Variants in WWTR1 observed in about 807,000 individuals in gnomAD.
The protein encoded by WWTR1 is WW domain containing transcription regulator 1, also known as WW domain-containing transcription regulator protein 1.
Under a neutral mutation model 40.1 loss-of-function variants are expected in WWTR1, and 13 were observed. That is an observed-to-expected ratio of 0.32 (90% CI 0.21 to 0.52). The LOEUF is 0.52. Among genes scored for constraint, WWTR1 ranks in the 20% least tolerant of loss-of-function variants. WWTR1 has a pLI of 0.97. For synonymous variants in WWTR1, 230 were observed against 210.1 expected (o/e 1.09, Z -0.82); for missense variants, 436 against 523.1 (o/e 0.83, Z 1.63).
At chr3:149,578,404 TCTC>T (rs1222004834) in intron 2 of WWTR1, among the ~76,000 whole-genome samples, 1 of 152,144 alleles carries the variant, frequency 6.6e-6, no homozygotes, top group Non-Finnish European at 1.5e-5. Flanking sequence ...CATGGCCAGT[TCTC>T]CTGGCTTCCC....
chr3:149,607,121 G>T (rs867771625), intron 2 of WWTR1, among the ~76,000 whole-genome samples: 10 of 152,142 alleles, frequency 6.6e-5, no homozygotes, highest in Non-Finnish European at 1.3e-4. Context: ...AAGCCATGAC[G>T]CAGTTTTAAC....
At chr3:149,618,160 T>C (rs1740082325) in intron 2 of WWTR1, among the ~76,000 whole-genome samples, 1 of 152,240 alleles carries the variant, frequency 6.6e-6, no homozygotes, top group Non-Finnish European at 1.5e-5. Context: ...CCTGTGCTCT[T>C]TGCAGGCATG....
chr3:149,598,939 G>T (rs76867846), intron 2 of WWTR1, among the ~76,000 whole-genome samples: 1 of 152,038 alleles, frequency 6.6e-6, no homozygotes, highest in African/African-American at 2.4e-5. Flanking sequence ...TTACTTGTAA[G>T]TCATTATATA....
At chr3:149,532,682 T>C (rs1735642995) in intron 4 of WWTR1, among the ~76,000 whole-genome samples, 1 of 152,324 alleles carries the variant, frequency 6.6e-6, no homozygotes, top group Admixed American at 6.5e-5. Flanking sequence ...CTCACCAACA[T>C]GTTGCCATCC....
At chr3:149,557,197 A>G (rs1337995893) in intron 3 of WWTR1, among the ~76,000 whole-genome samples, 1 of 149,502 alleles carries the variant, frequency 6.7e-6, no homozygotes, top group African/African-American at 2.5e-5. Flanking sequence ...CAGCCTCCCA[A>G]GTAGTTGAGA....
At chr3:149,710,975 A>G (rs1715465681) in intron 5 of WWTR1, among the ~76,000 whole-genome samples, 1 of 152,146 alleles carries the variant, frequency 6.6e-6, no homozygotes, top group African/African-American at 2.4e-5. Context: ...GCCAGCATAT[A>G]AAGCCAGGTC....
At chr3:149,550,634 A>G (rs1362177869) in intron 3 of WWTR1, among the ~76,000 whole-genome samples, 2 of 152,326 alleles carry the variant, frequency 1.3e-5, no homozygotes, top group African/African-American at 4.8e-5. Flanking sequence ...CAGAGAAGGG[A>G]AAAAAGCGGA....
chr3:149,684,074 G>A (rs977567969), intron 1 of WWTR1, among the ~76,000 whole-genome samples: 1 of 152,050 alleles, frequency 6.6e-6, no homozygotes, highest in Non-Finnish European at 1.5e-5. Context: ...TAAGTAAATG[G>A]TATATTACTA....
chr3:149,722,578 G>A (rs758418201), intron 4 of WWTR1, among the ~76,000 whole-genome samples: 2 of 151,932 alleles, frequency 1.3e-5, no homozygotes, highest in Admixed American at 6.6e-5. Context: ...CAAATACTTA[G>A]GGAGTTTTTG....
At chr3:149,559,798 T>C (rs1286441291) in intron 3 of WWTR1, among the ~76,000 whole-genome samples, 1 of 152,202 alleles carries the variant, frequency 6.6e-6, no homozygotes, top group Non-Finnish European at 1.5e-5. Context: ...CTGTGCTACA[T>C]AATTCTGATA....
intron 4 of WWTR1, among the ~76,000 whole-genome samples, chr3:149,538,713 A>C (rs573813841): frequency 3.9e-5 from 6 of 152,348 alleles, no homozygotes; most frequent in African/African-American, 1.4e-4. Context: ...TCTGATGCTC[A>C]CTTTCACAGA....
At chr3:149,616,363 T>C (rs1218798769) in intron 2 of WWTR1, among the ~76,000 whole-genome samples, 1 of 152,132 alleles carries the variant, frequency 6.6e-6, no homozygotes, top group Non-Finnish European at 1.5e-5. Context: ...TGTAATCCCA[T>C]GTAATGAAAT....
At chr3:149,708,919 C>T (rs1377875831) in intron 5 of WWTR1, among the ~76,000 whole-genome samples, 2 of 152,186 alleles carry the variant, frequency 1.3e-5, no homozygotes, top group African/African-American at 4.8e-5. Flanking sequence ...TACCATTTTA[C>T]ATTCTCACCA....
At chr3:149,624,671 T>C (rs1248395621) in intron 2 of WWTR1, among the ~76,000 whole-genome samples, 3 of 152,154 alleles carry the variant, frequency 2.0e-5, no homozygotes, top group Admixed American at 1.3e-4. Context: ...TACTGTTTCT[T>C]AATAAACTTA....
rs369169569 is a variant in WWTR1 at position 149,526,159 on chromosome 3, A to G, written c.906-34T>C. 477 of 1,475,734 alleles carry G rather than the reference A, an allele frequency of 3.2e-4. 1 individual carries two copies. Among genetic ancestry groups the G allele is most frequent in the Non-Finnish European group, 4.0e-4 (436 of 1,082,886 alleles). The allele number at this position is 1,475,734 out of a possible 1,614,324, so 91.4% of individuals were successfully genotyped here. A position where few individuals can be genotyped will look rare whatever the true frequency, so the allele number is the denominator to read the frequency against. ...CAAAAGATGAAGAAACTTCAATATG[A>G]GCCCACTAAATAAATCTCAAAATTA... On this transcript the variant is annotated intron_variant, in intron 5 of 6. Transcript: ENST00000360632.
At chr3:149,686,895 T>C (rs1244693940) in intron 1 of WWTR1, among the ~76,000 whole-genome samples, 1 of 152,182 alleles carries the variant, frequency 6.6e-6, no homozygotes, top group Non-Finnish European at 1.5e-5. Context: ...GCACATTTTA[T>C]GGCTTTGCAA....
In WWTR1 at chr3:149,605,084, G is replaced by A. The variant is rs991556414; in HGVS notation, c.432-32084C>T. ...CAGCACTAAAGGTCCAGAGGCCGGA[G>A]ACAGCACAATACACAGGAGAAACTG... is the stretch of plus-strand genomic sequence containing the variant. On this transcript the variant is annotated intron_variant, in intron 2 of 6. Transcript: ENST00000360632. Among the ~76,000 whole-genome samples, 6 of 152,230 alleles carry A rather than the reference G, an allele frequency of 3.9e-5. No individual in the cohort carries two copies. The East Asian group carries it at 1.2e-3, about 29-fold the overall frequency.
chr3:149,679,558 T>A (rs1193781126), intron 1 of WWTR1, among the ~76,000 whole-genome samples: 1 of 151,610 alleles, frequency 6.6e-6, no homozygotes, highest in Admixed American at 6.6e-5. Flanking sequence ...ATAAGTTAGA[T>A]AAATATCATT....
chr3:149,593,768 A>G (rs940408633), intron 2 of WWTR1, among the ~76,000 whole-genome samples: 9 of 152,210 alleles, frequency 5.9e-5, no homozygotes, highest in Non-Finnish European at 1.0e-4. Context: ...ATTATGTAAA[A>G]CATTGTTGTG....
Sources: allele counts gnomAD v4.1 joint callset (sites outside exome capture counted in the v4.1 genomes callset), GRCh38; gene constraint gnomAD v4.1.1; transcripts MANE v1.5; gene names NCBI Gene and HGNC (gene_info 2026-07-23, HGNC 2026-07-21).